The following GLIS3 variants were observed in gnomAD, a reference collection of about 807,000 sequenced individuals.
GLIS3 encodes GLIS family zinc finger 3.
In GLIS3, 53 loss-of-function variants were observed where a neutral mutation model predicts 78.6. The ratio of observed to expected loss-of-function variants is 0.67; its 90% CI spans 0.54 to 0.85. GLIS3 has a LOEUF of 0.85. Ranked by LOEUF, GLIS3 falls within the 40% of genes least tolerant of loss-of-function variation. The pLI is 0.00. For missense variants in GLIS3, 1,703 were observed against 1,231.1 expected (o/e 1.38, Z -5.74); for synonymous variants, 684 against 509.9 (o/e 1.34, Z -4.60).
chr9:3,929,727 C>A (rs775930570), intron 6 of GLIS3, among the ~76,000 whole-genome samples: 28 of 152,140 alleles, frequency 1.8e-4, no homozygotes, highest in South Asian at 6.2e-4. Context: ...GGACTAGGAC[C>A]ATTACTCCAC....
intron 4 of GLIS3, among the ~76,000 whole-genome samples, chr9:4,065,533 T>C (rs571901854): frequency 1.1e-3 from 166 of 152,366 alleles, no homozygotes; most frequent in South Asian, 9.1e-3. Context: ...TCTGCCTTAA[T>C]GTATTAAGTA....
chr9:3,855,890 T>C (rs1819750064), intron 9 of GLIS3, 119 bp downstream of exon 9: 2 of 1,133,212 alleles, frequency 1.8e-6, no homozygotes, highest in South Asian at 1.3e-5. Flanking sequence ...AGGCAAGTCA[T>C]GAAAGCCTAA....
chr9:4,159,793 C>A (rs754380817), intron 2 of GLIS3, among the ~76,000 whole-genome samples: 12 of 151,918 alleles, frequency 7.9e-5, no homozygotes, highest in Non-Finnish European at 1.6e-4. Context: ...CCACATAGTT[C>A]CACAGATCTC....
intron 4 of GLIS3, among the ~76,000 whole-genome samples, chr9:3,992,165 T>C (rs1359986047): frequency 6.6e-6 from 1 of 152,216 alleles, no homozygotes; most frequent in Non-Finnish European, 1.5e-5. Flanking sequence ...TGTTAGAATG[T>C]AACATTTGGA....
At chr9:4,221,512 G>A (rs1821327321) in intron 2 of GLIS3, among the ~76,000 whole-genome samples, 2 of 152,082 alleles carry the variant, frequency 1.3e-5, no homozygotes, top group Admixed American at 1.3e-4. Context: ...GAATGGAAAT[G>A]TAAAGATCAA....
At chr9:4,303,268 GACAC>G (rs5896061), upstream of GLIS3, among the ~76,000 whole-genome samples, 2 of 144,984 alleles carry the variant, frequency 1.4e-5, no homozygotes, top group Non-Finnish European at 3.0e-5. Context: ...TTAAAACACA[GACAC>G]ACACACACAC....
intron 4 of GLIS3, among the ~76,000 whole-genome samples, chr9:3,999,361 C>T (rs1177288562): frequency 6.6e-6 from 1 of 152,108 alleles, no homozygotes; most frequent in Non-Finnish European, 1.5e-5. Context: ...AAGTTTTAAT[C>T]ATTTTGCATT....
At chr9:4,254,883 G>C (rs1469995456) in intron 2 of GLIS3, among the ~76,000 whole-genome samples, 2 of 150,716 alleles carry the variant, frequency 1.3e-5, no homozygotes, top group African/African-American at 2.4e-5. Context: ...CTTTGTGACA[G>C]ACACCTTCAA....
chr9:4,249,087 G>A (rs896611956), intron 2 of GLIS3, among the ~76,000 whole-genome samples: 2 of 152,034 alleles, frequency 1.3e-5, no homozygotes, highest in Non-Finnish European at 2.9e-5. Flanking sequence ...TGTCCTTTTT[G>A]CTTAGGGTTG....
intron 2 of GLIS3, among the ~76,000 whole-genome samples, chr9:4,130,090 T>C: frequency 6.6e-6 from 1 of 152,216 alleles, no homozygotes; most frequent in East Asian, 1.9e-4. Context: ...TTAGTGTATC[T>C]GGAGGAAGAA....
chr9:3,964,084 A>T (rs2130893545), intron 4 of GLIS3, among the ~76,000 whole-genome samples: 1 of 152,310 alleles, frequency 6.6e-6, no homozygotes, highest in East Asian at 1.9e-4. Flanking sequence ...ACAGACACCG[A>T]GAGAGTGCTG....
At chr9:4,364,655 TA>T in the GLIS3 span, among the ~76,000 whole-genome samples, 1 of 150,992 alleles carries the variant, frequency 6.6e-6, no homozygotes, top group African/African-American at 2.4e-5. Flanking sequence ...GATTATTTTC[TA>T]AAGATGAGAT....
chr9:4,188,321 C>A (rs997677473), intron 2 of GLIS3, among the ~76,000 whole-genome samples: 2 of 148,722 alleles, frequency 1.3e-5, no homozygotes, highest in South Asian at 2.2e-4. Flanking sequence ...TATATTGAAC[C>A]AGCCTTGCAT....
Position 4,285,903 on chromosome 9 carries a change from A to G in GLIS3, c.388+135T>C, listed in dbSNP as rs1262405172. ...CCCATTCCCTTACTGAGCAAGCTAT[A>G]TATCATTATGAGACCATCATCTTTG... On this transcript the variant is annotated intron_variant, in intron 2 of 10. Transcript: ENST00000381971. 7 of 1,077,612 alleles carry G rather than the reference A, an allele frequency of 6.5e-6. 1 individual carries two copies. Among genetic ancestry groups the G allele is most frequent in the East Asian group, 2.4e-5 (1 of 42,028 alleles). 66.8% of individuals were successfully genotyped at this position (1,077,612 alleles called of 1,614,324 possible). A position where few individuals can be genotyped will look rare whatever the true frequency, so the allele number is the denominator to read the frequency against.
chr9:4,454,032 G>T, the GLIS3 span, among the ~76,000 whole-genome samples: 1 of 150,098 alleles, frequency 6.7e-6, no homozygotes, highest in Non-Finnish European at 1.5e-5. Context: ...AAAAAGAAAA[G>T]AAAACATCTT....
chr9:4,365,879 A>G, the GLIS3 span, among the ~76,000 whole-genome samples: 1 of 152,322 alleles, frequency 6.6e-6, no homozygotes, highest in South Asian at 2.1e-4. Flanking sequence ...TCCACCCCAA[A>G]GGGTCAAGGA....
chr9:4,173,277 T>C (rs1038003608), intron 2 of GLIS3, among the ~76,000 whole-genome samples: 3 of 152,200 alleles, frequency 2.0e-5, no homozygotes, highest in African/African-American at 7.2e-5. Flanking sequence ...CCTATTATAT[T>C]AAGGCTTTAA....
At chr9:4,371,019 C>T in the GLIS3 span, among the ~76,000 whole-genome samples, 1 of 152,254 alleles carries the variant, frequency 6.6e-6, no homozygotes, top group South Asian at 2.1e-4. Flanking sequence ...TAACAGTGAC[C>T]TGGGTTGGGT....
At chr9:4,401,766 T>C in the GLIS3 span, among the ~76,000 whole-genome samples, 1 of 151,698 alleles carries the variant, frequency 6.6e-6, no homozygotes, top group Non-Finnish European at 1.5e-5. Context: ...TAATTTTTTT[T>C]TTCATATTTT....
Sources: gnomAD v4.1 joint callset for allele counts (sites outside exome capture counted in the v4.1 genomes callset) on GRCh38, gnomAD v4.1.1 for gene constraint, MANE v1.5 for transcripts, NCBI Gene and HGNC (gene_info 2026-07-23, HGNC 2026-07-21) for gene names.